OSBPL10: variants seen among roughly 807,000 people sequenced by gnomAD.
OSBPL10 encodes oxysterol binding protein like 10.
Under a neutral mutation model 81.7 loss-of-function variants are expected in OSBPL10, and 49 were observed. The ratio of observed to expected loss-of-function variants is 0.60; its 90% CI spans 0.48 to 0.76. OSBPL10 has a LOEUF of 0.76. OSBPL10 is among the 30% of genes least tolerant of loss of function. The pLI is 0.00. For synonymous variants in OSBPL10, 419 were observed against 383.6 expected (o/e 1.09, Z -1.08); for missense variants, 923 against 987.8 (o/e 0.93, Z 0.88).
intron 1 of OSBPL10, among the ~76,000 whole-genome samples, chr3:31,929,629 T>C (rs1340259828): frequency 6.6e-6 from 1 of 151,412 alleles, no homozygotes; most frequent in African/African-American, 2.4e-5. Flanking sequence ...CCGCCTGTAG[T>C]CCCAGCTACT....
intron 1 of OSBPL10, among the ~76,000 whole-genome samples, chr3:31,915,326 G>A (rs1696722922): frequency 6.6e-6 from 1 of 152,014 alleles, no homozygotes; most frequent in South Asian, 2.1e-4. Flanking sequence ...GTTCATCACA[G>A]CACTATTCAC....
intron 1 of OSBPL10, among the ~76,000 whole-genome samples, chr3:31,967,564 T>C (rs1268305685): frequency 6.6e-6 from 1 of 152,232 alleles, no homozygotes; most frequent in Non-Finnish European, 1.5e-5. Flanking sequence ...CAAGCAATGT[T>C]TCCCACTTCA....
intron 4 of OSBPL10, among the ~76,000 whole-genome samples, chr3:31,786,408 C>A (rs555203299): frequency 6.6e-6 from 1 of 152,174 alleles, no homozygotes; most frequent in Non-Finnish European, 1.5e-5. Context: ...TATAAACCTA[C>A]GACTGGGTAA....
rs71097451 is a variant in OSBPL10, at chr3:31,846,632, CAATAAATAAATA to C, written c.538-16413_538-16402del. Among the ~76,000 whole-genome samples the C allele has an allele frequency of 1.0e-3, 150 of 149,156 alleles. 1 individual carries two copies. The highest frequency in any genetic ancestry group is 1.8e-3 in the Non-Finnish European group (122 of 67,352). ...GGGCAACAAGAGCAAAACTCCATCTCAATAAATAAATAAATAAATAAATAAATAAATAAATCC... is the reference window on the plus strand; with the variant it reads ...GGGCAACAAGAGCAAAACTCCATCTCAATAAATAAATAAATAAATAAATCC... On this transcript the variant is annotated intron_variant, in intron 3 of 11. Transcript: ENST00000396556.
intron 1 of OSBPL10, among the ~76,000 whole-genome samples, chr3:31,953,682 A>C (rs1697931864): frequency 6.6e-6 from 1 of 152,202 alleles, no homozygotes; most frequent in Admixed American, 6.5e-5. Flanking sequence ...CTGGAATGAC[A>C]AGTGTGAGCC....
intron 4 of OSBPL10, among the ~76,000 whole-genome samples, chr3:31,748,677 A>G (rs1196995708): frequency 1.3e-5 from 2 of 150,564 alleles, no homozygotes; most frequent in East Asian, 1.9e-4. Flanking sequence ...ACAGGACATG[A>G]CCTTCTTAAC....
intron 6 of OSBPL10, among the ~76,000 whole-genome samples, chr3:31,712,917 T>C (rs995904933): frequency 8.4e-6 from 1 of 118,618 alleles, no homozygotes; most frequent in African/African-American, 2.5e-5. Flanking sequence ...TCCTTGACTT[T>C]AATTTCTTGC....
At chr3:31,748,250 G>A (rs554312986) in intron 4 of OSBPL10, 130 bp from the exon 5 acceptor site, 25 of 787,922 alleles carry the variant, frequency 3.2e-5, no homozygotes, top group East Asian at 5.4e-5. Context: ...GTGCACATTC[G>A]TCTTTTGATA....
At chr3:31,863,302 A>G (rs1178311697) in intron 3 of OSBPL10, among the ~76,000 whole-genome samples, 1 of 152,216 alleles carries the variant, frequency 6.6e-6, no homozygotes, top group Non-Finnish European at 1.5e-5. Flanking sequence ...GTTCATGGAA[A>G]CAGGGAAACA....
intron 2 of OSBPL10, among the ~76,000 whole-genome samples, chr3:32,043,968 A>C (rs943283255): frequency 1.4e-4 from 21 of 149,528 alleles, no homozygotes; most frequent in South Asian, 1.1e-3. Context: ...TACTATGCTC[A>C]CTACCTATTG....
chr3:32,030,808 C>A, intron 2 of OSBPL10: 1 of 553,282 alleles, frequency 1.8e-6, no homozygotes, highest in Non-Finnish European at 3.2e-6. Context: ...AACAGCAATT[C>A]CTTATCTCAA....
At chr3:32,034,688 C>T (rs1699502127) in intron 2 of OSBPL10, among the ~76,000 whole-genome samples, 1 of 152,128 alleles carries the variant, frequency 6.6e-6, no homozygotes, top group South Asian at 2.1e-4. Flanking sequence ...AATTCATCAC[C>T]TAATATGCTA....
chr3:31,755,611 C>A (rs1697863002), intron 4 of OSBPL10, among the ~76,000 whole-genome samples: 1 of 152,210 alleles, frequency 6.6e-6, no homozygotes, highest in South Asian at 2.1e-4. Flanking sequence ...GAAGGCAGGA[C>A]AGGCTAATGG....
In OSBPL10 at chr3:31,876,416, T is replaced by C. The variant is rs779211991; in HGVS notation, c.537+17A>G. On this transcript the variant is annotated intron_variant, in intron 3 of 11. Coordinates refer to ENST00000396556, the MANE Select transcript of OSBPL10 (RefSeq NM_017784.5). ...CTGGTTATTCGAATGCCTCCTTCCTTTCTCACGGTGACTTACCTTAGAATT... is the reference window on the plus strand; with the variant it reads ...CTGGTTATTCGAATGCCTCCTTCCTCTCTCACGGTGACTTACCTTAGAATT... The C allele has an allele frequency of 6.3e-7, 1 of 1,594,800 alleles. No homozygotes were observed. Among genetic ancestry groups the C allele is most frequent in the East Asian group, 2.2e-5 (1 of 44,782 alleles).
At chr3:31,796,361 C>T (rs1699210133) in intron 4 of OSBPL10, among the ~76,000 whole-genome samples, 1 of 151,978 alleles carries the variant, frequency 6.6e-6, no homozygotes, top group African/African-American at 2.4e-5. Context: ...TTTAGAAATT[C>T]CTTGCCCCGC....
chr3:31,830,528 C>T (rs1041720905), intron 3 of OSBPL10, among the ~76,000 whole-genome samples: 6 of 152,170 alleles, frequency 3.9e-5, no homozygotes, highest in Non-Finnish European at 5.9e-5. Context: ...ACCATGGACG[C>T]TCATGGAGCT....
chr3:31,981,280 C>T, upstream of OSBPL10: 2 of 1,292,752 alleles, frequency 1.5e-6, no homozygotes, highest in South Asian at 5.0e-5. This position sits in a 1 kb window ranked among gnomAD's most constrained non-coding sequence, Gnocchi z 4.5. Context: ...CCGCGCGTGC[C>T]TGCTCCAAAT....
chr3:31,747,540 T>G (rs1339333549), intron 5 of OSBPL10, among the ~76,000 whole-genome samples: 2 of 140,224 alleles, frequency 1.4e-5, no homozygotes, highest in East Asian at 2.1e-4. Context: ...ACGTCATGAG[T>G]GGAATGAGAC....
chr3:31,978,859 T>A (rs909487583), intron 1 of OSBPL10, among the ~76,000 whole-genome samples: 1 of 152,210 alleles, frequency 6.6e-6, no homozygotes, highest in African/African-American at 2.4e-5. Flanking sequence ...TTCTCAACCT[T>A]GCCTCCAATC....
Sources: gnomAD v4.1 joint callset for allele counts (sites outside exome capture counted in the v4.1 genomes callset) on GRCh38, gnomAD v4.1.1 for gene constraint, Gnocchi (gnomAD v3.1) non-coding constraint, MANE v1.5 for transcripts, NCBI Gene and HGNC (gene_info 2026-07-23, HGNC 2026-07-21) for gene names.